EPHA6: variants seen among roughly 807,000 people sequenced by gnomAD.
EPHA6 encodes ephrin type-A receptor 6.
Under a neutral mutation model 112.0 loss-of-function variants are expected in EPHA6, and 50 were observed. The ratio of observed to expected loss-of-function variants is 0.45; its 90% confidence interval spans 0.36 to 0.56. EPHA6 has a LOEUF of 0.56. Among genes scored for constraint, EPHA6 ranks in the 20% least tolerant of loss-of-function variants. The probability of loss-of-function intolerance (pLI) is 0.00; values close to 1 mark genes in which losing one functional copy is unlikely to be tolerated. For synonymous variants in EPHA6, 529 were observed against 490.7 expected, an observed-to-expected ratio of 1.08 and a Z score of -1.03; for missense variants, 1,280 against 1,417.4, an observed-to-expected ratio of 0.90 and a Z score of 1.56.
intron 11 of EPHA6, among the ~76,000 whole-genome samples, chr3:97,572,147 C>CTTTT (rs869271956): frequency 1.3e-4 from 17 of 128,358 alleles, no homozygotes; most frequent in African/African-American, 2.6e-4. Flanking sequence ...ATCTCTTTTC[C>CTTTT]TTTTTTTTTT....
chr3:96,948,888 G>T (rs2041405174), intron 2 of EPHA6, among the ~76,000 whole-genome samples: 1 of 152,144 alleles, frequency 6.6e-6, no homozygotes, highest in Non-Finnish European at 1.5e-5. Flanking sequence ...ACTGAGATTG[G>T]CTTTACTCAC....
At chr3:96,950,753 G>T (rs1039338491) in intron 2 of EPHA6, among the ~76,000 whole-genome samples, 4 of 151,862 alleles carry the variant, frequency 2.6e-5, no homozygotes, top group African/African-American at 9.7e-5. Context: ...TTTTATTACT[G>T]TTTGTATTTA....
chr3:97,544,965 T>C (rs2092923742), intron 11 of EPHA6, among the ~76,000 whole-genome samples: 1 of 152,238 alleles, frequency 6.6e-6, no homozygotes, highest in Admixed American at 6.5e-5. Flanking sequence ...TTCTTCTTTA[T>C]TAGGCTTGCT....
chr3:97,708,277 G>T (rs2033786928), intron 14 of EPHA6, among the ~76,000 whole-genome samples: 4 of 152,194 alleles, frequency 2.6e-5, no homozygotes, highest in Admixed American at 2.6e-4. Context: ...GAAGTCACTT[G>T]CTATGTTTTA....
At chr3:97,541,719 T>C (rs1198956645) in intron 11 of EPHA6, among the ~76,000 whole-genome samples, 1 of 123,406 alleles carries the variant, frequency 8.1e-6, no homozygotes, top group African/African-American at 4.2e-5. Context: ...TCTTGTTTTC[T>C]TTTTTTTGTT....
chr3:96,888,150 G>A (rs988763011), intron 2 of EPHA6, among the ~76,000 whole-genome samples: 2 of 152,080 alleles, frequency 1.3e-5, no homozygotes, highest in African/African-American at 4.8e-5. Flanking sequence ...TTCAGCTAGC[G>A]TTTTCCTTCT....
chr3:97,244,018 G>T lies in EPHA6; in HGVS notation c.1337G>T (p.Ser446Ile), dbSNP rs189103500. ...GAAACAGCCCTTATTTTGGAATGGA[G>T]CCCACCAAGTGACACAGGAGGGAGA... Reference protein sequence around the residue: ...INETALILEWSPPSDTGGRKD... With the variant: ...INETALILEWIPPSDTGGRKD... The change falls in exon 5 of 18, where the codon AGC becomes ATC. Residue 446 changes from serine to isoleucine, a missense_variant. Physicochemically the swap from Ser to Ile is moderately radical, Grantham distance 142 (BLOSUM62 -2). Around this residue, in one of 4 missense-constraint regions of EPHA6, gnomAD observed 878 missense variants for 999.7 expected, o/e 0.88. Coordinates refer to ENST00000389672, the MANE Select transcript of EPHA6 (RefSeq NM_001080448.3). 6.2e-6 allele frequency: 10 copies of T among 1,612,406 alleles called. No individual in the cohort carries two copies.
chr3:97,635,673 T>A (rs958610756), intron 13 of EPHA6, among the ~76,000 whole-genome samples: 1 of 152,094 alleles, frequency 6.6e-6, no homozygotes, highest in African/African-American at 2.4e-5. Flanking sequence ...GAGTTATTGC[T>A]AGTAAAGATG....
intron 6 of EPHA6, among the ~76,000 whole-genome samples, chr3:97,418,558 C>T (rs1348137436): frequency 2.6e-5 from 4 of 152,080 alleles, no homozygotes. Flanking sequence ...AGTACCCTCA[C>T]ATTTTTCAAC....
At chr3:97,317,927 A>G (rs184055401) in intron 5 of EPHA6, among the ~76,000 whole-genome samples, 1 of 152,136 alleles carries the variant, frequency 6.6e-6, no homozygotes, top group East Asian at 1.9e-4. Context: ...CTAGAGGATT[A>G]CATTTGCTTT....
At chr3:97,638,303 C>G (rs779756150) in intron 14 of EPHA6, among the ~76,000 whole-genome samples, 3 of 152,108 alleles carry the variant, frequency 2.0e-5, no homozygotes, top group Non-Finnish European at 4.4e-5. Context: ...TGTTTTCTTT[C>G]TTTCATTGTC....
intron 3 of EPHA6, among the ~76,000 whole-genome samples, chr3:97,035,119 C>T (rs181741701): frequency 1.3e-5 from 2 of 151,830 alleles, no homozygotes; most frequent in South Asian, 2.1e-4. Flanking sequence ...TAGAAATAAG[C>T]GAAATCCTAT....
intron 3 of EPHA6, among the ~76,000 whole-genome samples, chr3:97,097,441 T>C (rs985291591): frequency 6.6e-6 from 1 of 151,768 alleles, no homozygotes; most frequent in African/African-American, 2.4e-5. Context: ...AACACAAGGT[T>C]TTACATTGAA....
intron 11 of EPHA6, among the ~76,000 whole-genome samples, chr3:97,547,315 T>G (rs1301946764): frequency 1.3e-5 from 2 of 152,148 alleles, no homozygotes; most frequent in African/African-American, 4.8e-5. Context: ...TCTGTTGGAG[T>G]TTGCTAGAGG....
At chr3:97,623,228 T>C (rs1053346867) in intron 13 of EPHA6, among the ~76,000 whole-genome samples, 1 of 151,834 alleles carries the variant, frequency 6.6e-6, no homozygotes, top group African/African-American at 2.4e-5. Flanking sequence ...AAGAGTTTTA[T>C]AACTTGAGGT....
intron 3 of EPHA6, among the ~76,000 whole-genome samples, chr3:97,125,592 T>C (rs1269612198): frequency 2.0e-5 from 3 of 152,200 alleles, no homozygotes; most frequent in African/African-American, 7.2e-5. Flanking sequence ...TATTTTTTGG[T>C]ATCTTAATTT....
chr3:97,324,558 G>A (rs373358291), intron 5 of EPHA6, among the ~76,000 whole-genome samples: 2 of 33,338 alleles, frequency 6.0e-5, no homozygotes, highest in South Asian at 9.7e-4. Context: ...TCTTTCTTTC[G>A]ATGGAGCTTC....
intron 11 of EPHA6, among the ~76,000 whole-genome samples, chr3:97,539,198 A>G (rs1439285954): frequency 1.4e-5 from 2 of 140,350 alleles, no homozygotes; most frequent in Non-Finnish European, 3.0e-5. Flanking sequence ...CCTAGGCTGG[A>G]GTGCAGTCGC....
At chr3:97,650,923 CAA>C (rs1422342717) in intron 14 of EPHA6, among the ~76,000 whole-genome samples, 1 of 150,038 alleles carries the variant, frequency 6.7e-6, no homozygotes, top group African/African-American at 2.4e-5. Flanking sequence ...TTATTTAACA[CAA>C]GAGAATACTG....
Sources: allele counts gnomAD v4.1 joint callset (sites outside exome capture counted in the v4.1 genomes callset), GRCh38; gene constraint gnomAD v4.1.1; regional missense constraint gnomAD v4.1.1; transcripts MANE v1.5; gene names NCBI Gene and HGNC (gene_info 2026-07-23, HGNC 2026-07-21).